USH2A: variants seen among roughly 807,000 people sequenced by gnomAD.
The protein encoded by USH2A is Usher syndrome 2A (autosomal recessive, mild).
USH2A carries 443 observed loss-of-function variants against 538.9 expected under a neutral mutation model. That is an observed-to-expected ratio of 0.82 (90% CI 0.76 to 0.89). The LOEUF (loss-of-function observed/expected upper bound fraction) is 0.89. Ranked by LOEUF, USH2A falls within the 40% of genes least tolerant of loss-of-function variation. The pLI is 0.00. For synonymous variants in USH2A, 2,413 were observed against 2,273.5 expected, an observed-to-expected ratio of 1.06 and a Z score of -1.75; for missense variants, 6,633 against 6,324.8, an observed-to-expected ratio of 1.05 and a Z score of -1.65.
chr1:215,671,538 T>G (rs1003137032), intron 63 of USH2A, among the ~76,000 whole-genome samples: 1 of 152,166 alleles, frequency 6.6e-6, no homozygotes, highest in South Asian at 2.1e-4. Context: ...AAAAAAAAAT[T>G]ATATTTCCAT....
At chr1:216,294,734 A>G (rs931073694) in intron 9 of USH2A, among the ~76,000 whole-genome samples, 6 of 151,934 alleles carry the variant, frequency 3.9e-5, no homozygotes, top group Non-Finnish European at 5.9e-5. Context: ...TGTTCTGCCC[A>G]TAATTGTTAT....
chr1:216,352,032 GA>G (rs2038297258), intron 4 of USH2A, among the ~76,000 whole-genome samples: 1 of 152,094 alleles, frequency 6.6e-6, no homozygotes, highest in South Asian at 2.1e-4. Flanking sequence ...GTTTAATTTT[GA>G]AATGTAAATT....
chr1:215,757,011 T>A (rs1428333492), intron 58 of USH2A, among the ~76,000 whole-genome samples: 1 of 152,070 alleles, frequency 6.6e-6, no homozygotes, highest in African/African-American at 2.4e-5. Flanking sequence ...GGCTGTAAAT[T>A]TATATATTTC....
At chr1:216,322,060 G>C in intron 8 of USH2A, 84 bp from the exon 9 acceptor site, 1 of 1,300,744 alleles carries the variant, frequency 7.7e-7, no homozygotes, top group Non-Finnish European at 1.1e-6. Flanking sequence ...TATGCATTAT[G>C]TGAATTTAAC....
rs187652859 is a variant in USH2A at position 216,178,724 on chromosome 1, G to A, written c.4397-3242C>T. On this transcript the variant is annotated intron_variant, in intron 20 of 71. Transcript: ENST00000307340. ...ACTGTCCAATAGAACTTTCTCCAATGAAGGAAATGTTCTAGGACTGTAATG... is the reference window on the plus strand; with the variant it reads ...ACTGTCCAATAGAACTTTCTCCAATAAAGGAAATGTTCTAGGACTGTAATG... Among the ~76,000 whole-genome samples the A allele has an allele frequency of 3.0e-3, 463 of 152,214 alleles. 4 individuals carry two copies. The highest frequency in any genetic ancestry group is 0.011 in the African/African-American group (447 of 41,536).
chr1:216,157,572 C>T (rs2033973852), intron 21 of USH2A, among the ~76,000 whole-genome samples: 1 of 152,062 alleles, frequency 6.6e-6, no homozygotes, highest in African/African-American at 2.4e-5. Flanking sequence ...ATCTAGGTGC[C>T]CATCAATGAT....
At chr1:216,340,578 G>A (rs2038058628) in intron 4 of USH2A, among the ~76,000 whole-genome samples, 1 of 148,924 alleles carries the variant, frequency 6.7e-6, no homozygotes. Context: ...CAACATCCCT[G>A]ATGAACACTA....
chr1:216,394,334 C>T (rs1571775435), intron 3 of USH2A, among the ~76,000 whole-genome samples: 1 of 122,404 alleles, frequency 8.2e-6, no homozygotes, highest in Non-Finnish European at 1.6e-5. Context: ...GATATTTATT[C>T]AGAAAACAGT....
chr1:215,654,185 T>C (rs1209720394), intron 64 of USH2A, among the ~76,000 whole-genome samples: 2 of 152,220 alleles, frequency 1.3e-5, no homozygotes, highest in Non-Finnish European at 2.9e-5. Flanking sequence ...TTTTTTATTA[T>C]TGTACTTTAA....
intron 32 of USH2A, among the ~76,000 whole-genome samples, chr1:216,035,971 A>T (rs2029929022): frequency 6.6e-6 from 1 of 152,146 alleles, no homozygotes; most frequent in Non-Finnish European, 1.5e-5. Context: ...TGCAAGATAG[A>T]ATGTGTCCAA....
intron 61 of USH2A, among the ~76,000 whole-genome samples, chr1:215,699,006 G>A (rs927134028): frequency 3.3e-5 from 5 of 152,192 alleles, no homozygotes; most frequent in Non-Finnish European, 7.3e-5. Context: ...TAAGGTCTAA[G>A]AAAGGGGTCC....
chr1:216,021,896 C>A (rs912339896), intron 32 of USH2A, among the ~76,000 whole-genome samples: 2 of 152,066 alleles, frequency 1.3e-5, no homozygotes, highest in African/African-American at 4.8e-5. Flanking sequence ...TGAGGCTGAG[C>A]CTTTTAGGAG....
chr1:215,896,711 A>T (rs1342444891), intron 40 of USH2A, among the ~76,000 whole-genome samples: 1 of 152,192 alleles, frequency 6.6e-6, no homozygotes, highest in Non-Finnish European at 1.5e-5. Context: ...TTTGTTTTCA[A>T]GATATCAACA....
intron 21 of USH2A, among the ~76,000 whole-genome samples, chr1:216,118,488 C>T (rs967854533): frequency 6.6e-6 from 1 of 152,094 alleles, no homozygotes; most frequent in African/African-American, 2.4e-5. Context: ...GCACACAGAC[C>T]TCTATCACAC....
chr1:216,311,597 G>C (rs936859549), intron 9 of USH2A, among the ~76,000 whole-genome samples: 2 of 152,094 alleles, frequency 1.3e-5, no homozygotes, highest in Admixed American at 1.3e-4. Flanking sequence ...CGGTGGGGTT[G>C]TGGCATGGCA....
Position 216,313,605 on chromosome 1 carries a change from T to C in USH2A, c.1644+8278A>G, listed in dbSNP as rs2037459707. ...TATATTTATCCACATATTTGCTGGT[T>C]TACTTGCTCACAATTCCTTCCTTCA... On this transcript the variant is annotated intron_variant, in intron 9 of 71. Transcript: ENST00000307340. Among the ~76,000 whole-genome samples the C allele has an allele frequency of 2.0e-5, 3 of 152,226 alleles. 1 individual carries two copies. The South Asian group carries it at 6.2e-4, about 32-fold the overall frequency.
At chr1:216,178,171 G>A (rs1296663120) in intron 20 of USH2A, among the ~76,000 whole-genome samples, 2 of 152,102 alleles carry the variant, frequency 1.3e-5, no homozygotes, top group African/African-American at 4.8e-5. Flanking sequence ...TAGTAAAAAA[G>A]AAAAGGCACT....
chr1:216,335,624 T>A (rs962321016), intron 4 of USH2A, among the ~76,000 whole-genome samples: 2 of 151,350 alleles, frequency 1.3e-5, no homozygotes, highest in African/African-American at 2.4e-5. Flanking sequence ...CAAAAAAGGA[T>A]CATAAGGGAT....
At chr1:215,894,734 G>A (rs1328110090) in intron 40 of USH2A, among the ~76,000 whole-genome samples, 2 of 152,054 alleles carry the variant, frequency 1.3e-5, no homozygotes, top group African/African-American at 4.8e-5. Flanking sequence ...CTTTTGGGAT[G>A]TCCCTCTCTT....
Sources: allele counts gnomAD v4.1 joint callset (sites outside exome capture counted in the v4.1 genomes callset), GRCh38; gene constraint gnomAD v4.1.1; transcripts MANE v1.5; gene names NCBI Gene and HGNC (gene_info 2026-07-23, HGNC 2026-07-21).